MAML3: variants seen among roughly 807,000 people sequenced by gnomAD.
MAML3 encodes the protein mastermind-like protein 3.
MAML3 carries 27 observed loss-of-function variants against 101.9 expected under a neutral mutation model. The observed-to-expected ratio is 0.27, with a 90% CI of 0.20 to 0.37. The LOEUF (loss-of-function observed/expected upper bound fraction) is 0.37, where lower values mean the gene tolerates loss of function less well. Among genes scored for constraint, MAML3 ranks in the 10% least tolerant of loss-of-function variants. The pLI is 1.00. For missense variants in MAML3, 1,316 were observed against 1,444.9 expected (o/e 0.91, Z 1.45); for synonymous variants, 501 against 555.9 (o/e 0.90, Z 1.39).
intron 2 of MAML3, among the ~76,000 whole-genome samples, chr4:139,885,195 G>A (rs974928899): frequency 6.6e-6 from 1 of 151,942 alleles, no homozygotes; most frequent in Admixed American, 6.6e-5. Context: ...CAGTTCAGTG[G>A]TTGGACACTA....
In MAML3 at chr4:139,821,482, C is replaced by T. The variant is rs59133255; in HGVS notation, c.2079+67875G>A. Among the ~76,000 whole-genome samples, 981 of 152,272 alleles carry T rather than the reference C, an allele frequency of 6.4e-3. 13 individuals carry two copies. Among genetic ancestry groups the T allele is most frequent in the African/African-American group, 0.021 (881 of 41,546 alleles). On this transcript the variant is annotated intron_variant, in intron 2 of 4. Transcript: ENST00000509479. ...GAGCTTCATCCTGAAACCATCCCCC[C>T]GGCCGACCCCTGGTCTGTGGAAAAA...
chr4:139,873,207 CT>C (rs1732049099), intron 2 of MAML3, among the ~76,000 whole-genome samples: 2 of 152,186 alleles, frequency 1.3e-5, no homozygotes. Context: ...TGTGGCACAG[CT>C]TTGATATCAG....
At chr4:139,870,138 C>G (rs1157397740) in intron 2 of MAML3, among the ~76,000 whole-genome samples, 1 of 152,240 alleles carries the variant, frequency 6.6e-6, no homozygotes, top group Non-Finnish European at 1.5e-5. Context: ...ATGTACCTTA[C>G]TGTGGATCAG....
intron 1 of MAML3, among the ~76,000 whole-genome samples, chr4:140,015,867 C>A (rs374817941): frequency 2.6e-5 from 4 of 152,138 alleles, no homozygotes; most frequent in Non-Finnish European, 5.9e-5. Flanking sequence ...GCATGAGAAT[C>A]GCTTTAACCC....
chr4:139,875,508 C>G (rs1732097329), intron 2 of MAML3, among the ~76,000 whole-genome samples: 1 of 152,126 alleles, frequency 6.6e-6, no homozygotes, highest in African/African-American at 2.4e-5. Flanking sequence ...CTTTCTTTCT[C>G]AACATAATTA....
chr4:139,903,113 G>C (rs530303909), intron 1 of MAML3, among the ~76,000 whole-genome samples: 5 of 152,306 alleles, frequency 3.3e-5, no homozygotes, highest in Admixed American at 3.3e-4. Flanking sequence ...TTCAGAACAG[G>C]AATTTCCAGT....
intron 1 of MAML3, among the ~76,000 whole-genome samples, chr4:140,141,750 A>C (rs1292873606): frequency 6.6e-6 from 1 of 152,240 alleles, no homozygotes; most frequent in African/African-American, 2.4e-5. Context: ...TGTTCTGTGC[A>C]AAGACCAACA....
chr4:139,852,940 G>C (rs955021411), intron 2 of MAML3, among the ~76,000 whole-genome samples: 6 of 152,062 alleles, frequency 3.9e-5, no homozygotes, highest in Non-Finnish European at 8.8e-5. Flanking sequence ...CTCTATGATG[G>C]GCCTCAGTTC....
At chr4:139,954,186 T>C (rs1013854391) in intron 1 of MAML3, among the ~76,000 whole-genome samples, 1 of 152,060 alleles carries the variant, frequency 6.6e-6, no homozygotes, top group Non-Finnish European at 1.5e-5. Context: ...ATACAGACAA[T>C]GAGATTTACG....
chr4:139,927,135 G>C (rs1733281782), intron 1 of MAML3, among the ~76,000 whole-genome samples: 1 of 150,484 alleles, frequency 6.6e-6, no homozygotes, highest in Non-Finnish European at 1.5e-5. Context: ...TGTCACCCAG[G>C]TTGGTCTCGA....
rs1728105156 is a variant in MAML3 at position 139,718,896 on chromosome 4, GCT to G, written c.*425_*426del. The G allele has an allele frequency of 5.8e-6, 1 of 171,322 alleles. No homozygotes were observed. Among genetic ancestry groups the G allele is most frequent in the African/African-American group, 2.4e-5 (1 of 41,866 alleles). The allele number at this position is 171,322 out of a possible 1,614,324, so 10.6% of individuals were successfully genotyped here. A position where few individuals can be genotyped will look rare whatever the true frequency, so the allele number is the denominator to read the frequency against. On this transcript the variant is annotated 3_prime_UTR_variant, in exon 5 of 5. Transcript: ENST00000509479. ...GGGGGACTCACTCTCCCTGGCTGAG[GCT>G]CTGTCTCTTTTGTGTCTCCAAAGCT...
At chr4:139,830,819 C>T (rs1167867441) in intron 2 of MAML3, among the ~76,000 whole-genome samples, 3 of 152,034 alleles carry the variant, frequency 2.0e-5, no homozygotes, top group Admixed American at 2.0e-4. Context: ...CAATCACCGG[C>T]CTCTTACAAA....
chr4:140,115,459 C>T (rs1374223385), intron 1 of MAML3, among the ~76,000 whole-genome samples: 1 of 152,128 alleles, frequency 6.6e-6, no homozygotes. Flanking sequence ...TGTGGTCATG[C>T]AAATTAATGC....
chr4:139,760,370 G>C (rs1578587540), intron 2 of MAML3, among the ~76,000 whole-genome samples: 1 of 152,154 alleles, frequency 6.6e-6, no homozygotes, highest in South Asian at 2.1e-4. Context: ...CAGGGAAGTG[G>C]GATAGATAGA....
chr4:139,829,215 G>A (rs1248369197), intron 2 of MAML3, among the ~76,000 whole-genome samples: 1 of 147,744 alleles, frequency 6.8e-6, no homozygotes, highest in African/African-American at 2.5e-5. Flanking sequence ...AGGAAGGAAG[G>A]ATGGAAGGAG....
At chr4:139,922,143 A>C (rs1733141475) in intron 1 of MAML3, among the ~76,000 whole-genome samples, 1 of 152,132 alleles carries the variant, frequency 6.6e-6, no homozygotes, top group Non-Finnish European at 1.5e-5. Flanking sequence ...CCAGCCTGTT[A>C]GTAATACTGT....
chr4:139,866,560 G>T (rs1578638045), intron 2 of MAML3, among the ~76,000 whole-genome samples: 1 of 152,128 alleles, frequency 6.6e-6, no homozygotes, highest in African/African-American at 2.4e-5. Context: ...GGGGCTCCTG[G>T]GTCAGACCCC....
chr4:139,735,875 G>T lies in MAML3; in HGVS notation c.2080-5208C>A, dbSNP rs1232631983. On this transcript the variant is annotated intron_variant, in intron 2 of 4. Transcript: ENST00000509479. The surrounding 1 kb of genome is among the most constrained non-coding windows in gnomAD (Gnocchi z 5.8). ...GCAGGGGCGGTGCGGCGGCGCTCGG[G>T]AGACCCGCGAGGGGCCCTGGAGGTC... Among the ~76,000 whole-genome samples the T allele has an allele frequency of 6.6e-6, 1 of 151,934 alleles. No individual in the cohort carries two copies. The highest frequency in any genetic ancestry group is 2.4e-5 in the African/African-American group (1 of 41,394).
rs949120859 is a variant in MAML3 at position 139,886,320 on chromosome 4, G to A, written c.2079+3037C>T. Among the ~76,000 whole-genome samples, 16 of 151,978 alleles carry A rather than the reference G, an allele frequency of 1.1e-4. 1 individual carries two copies. Among genetic ancestry groups the A allele is most frequent in the African/African-American group, 3.9e-4 (16 of 41,374 alleles). ...AACGAAGGGTAAACTTTTTTAAGTA[G>A]GGAGTTTCCCTTCCTTAAAAAAGTA... On this transcript the variant is annotated intron_variant, in intron 2 of 4. Coordinates refer to ENST00000509479, the MANE Select transcript of MAML3 (RefSeq NM_018717.5).
Sources: gnomAD v4.1 joint callset for allele counts (sites outside exome capture counted in the v4.1 genomes callset) on GRCh38, gnomAD v4.1.1 for gene constraint, Gnocchi (gnomAD v3.1) non-coding constraint, MANE v1.5 for transcripts, NCBI Gene and HGNC (gene_info 2026-07-23, HGNC 2026-07-21) for gene names.